Variants in DCC observed in about 807,000 individuals in gnomAD.
DCC encodes DCC netrin 1 receptor, also known as netrin receptor DCC.
Under a neutral mutation model 172.5 loss-of-function variants are expected in DCC, and 58 were observed. That is an observed-to-expected ratio of 0.34 (90% CI 0.27 to 0.42). The LOEUF (loss-of-function observed/expected upper bound fraction) is 0.42. Ranked by LOEUF, DCC falls within the 10% of genes least tolerant of loss-of-function variation. The pLI, the probability that DCC is intolerant of heterozygous loss-of-function variation, is 1.00. For missense variants in DCC, 1,740 were observed against 1,791.0 expected, an observed-to-expected ratio of 0.97 and a Z score of 0.51; for synonymous variants, 709 against 644.5, an observed-to-expected ratio of 1.10 and a Z score of -1.52.
At chr18:53,336,484 A>G (rs1400037565) in intron 14 of DCC, among the ~76,000 whole-genome samples, 1 of 152,202 alleles carries the variant, frequency 6.6e-6, no homozygotes, top group Non-Finnish European at 1.5e-5. Context: ...GAGGCCATAT[A>G]TTATGAATGG....
intron 1 of DCC, among the ~76,000 whole-genome samples, chr18:52,641,406 A>C (rs1349041099): frequency 2.6e-5 from 4 of 152,200 alleles, no homozygotes; most frequent in Non-Finnish European, 5.9e-5. Context: ...CAAAAGGAAC[A>C]ATCAGCAGAG....
intron 25 of DCC, among the ~76,000 whole-genome samples, chr18:53,483,059 A>T (rs1265566979): frequency 1.3e-5 from 2 of 151,942 alleles, no homozygotes; most frequent in Admixed American, 1.3e-4. Context: ...TCACTTGAAA[A>T]ATATGAAGTA....
intron 2 of DCC, among the ~76,000 whole-genome samples, chr18:52,872,826 G>T (rs978471256): frequency 3.3e-5 from 5 of 152,138 alleles, no homozygotes; most frequent in African/African-American, 4.8e-5. Flanking sequence ...TTGATCACTT[G>T]TAAGAGCTCA....
In DCC at chr18:52,880,719, T is replaced by A. The variant is rs934241445; in HGVS notation, c.413-25325T>A. Reference sequence around the variant, plus strand: ...ATTCTTTTTTATGGCTGAATAGTACTCCATTATGCATATGTACCACATTCT... The same window carrying A: ...ATTCTTTTTTATGGCTGAATAGTACACCATTATGCATATGTACCACATTCT... On this transcript the variant is annotated intron_variant, in intron 2 of 28. Coordinates refer to ENST00000442544, the MANE Select transcript of DCC (RefSeq NM_005215.4). Among the ~76,000 whole-genome samples the A allele has an allele frequency of 2.6e-5, 4 of 152,230 alleles. 1 individual carries two copies. The East Asian group carries it at 7.7e-4, about 29-fold the overall frequency.
At chr18:52,970,514 G>A (rs975744434) in intron 5 of DCC, among the ~76,000 whole-genome samples, 3 of 152,066 alleles carry the variant, frequency 2.0e-5, no homozygotes, top group Admixed American at 1.3e-4. Context: ...AAGTAATGGA[G>A]ATTTTTCTAA....
At chr18:52,434,646 T>A (rs959054619) in intron 1 of DCC, among the ~76,000 whole-genome samples, 4 of 152,112 alleles carry the variant, frequency 2.6e-5, no homozygotes, top group South Asian at 2.1e-4. Flanking sequence ...TTTTTTTTTT[T>A]AAACCAGAGA....
intron 5 of DCC, among the ~76,000 whole-genome samples, chr18:53,037,383 G>C (rs1422328858): frequency 1.3e-5 from 2 of 151,934 alleles, no homozygotes; most frequent in Admixed American, 6.6e-5. Flanking sequence ...GAAGACAGTG[G>C]TCTGACCTCT....
intron 2 of DCC, among the ~76,000 whole-genome samples, chr18:52,759,521 C>T (rs943165556): frequency 1.3e-5 from 2 of 152,086 alleles, no homozygotes; most frequent in African/African-American, 4.8e-5. Context: ...GAGCTCTGTT[C>T]TTTTATTCAA....
chr18:53,387,097 C>T (rs772149477), intron 16 of DCC, among the ~76,000 whole-genome samples: 1 of 152,126 alleles, frequency 6.6e-6, no homozygotes, highest in Non-Finnish European at 1.5e-5. Context: ...CATCGGAGAA[C>T]GTGAGATGTT....
chr18:52,914,225 A>AG (rs2145466254), intron 3 of DCC, among the ~76,000 whole-genome samples: 1 of 151,886 alleles, frequency 6.6e-6, no homozygotes, highest in East Asian at 1.9e-4. Context: ...TAAAAATAAA[A>AG]AAAAATCACT....
intron 1 of DCC, among the ~76,000 whole-genome samples, chr18:52,636,595 A>C (rs2034785015): frequency 6.6e-6 from 1 of 152,068 alleles, no homozygotes; most frequent in South Asian, 2.1e-4. Flanking sequence ...TGCATGACTC[A>C]GCAAAAGCAG....
intron 26 of DCC, among the ~76,000 whole-genome samples, chr18:53,488,966 G>A (rs1390181562): frequency 6.6e-6 from 1 of 151,916 alleles, no homozygotes; most frequent in Non-Finnish European, 1.5e-5. Flanking sequence ...AGACCATCCT[G>A]GCCAACATGG....
intron 5 of DCC, among the ~76,000 whole-genome samples, chr18:52,994,510 G>A (rs1042286093): frequency 6.6e-6 from 1 of 152,086 alleles, no homozygotes; most frequent in Non-Finnish European, 1.5e-5. Flanking sequence ...ATGAACGTAC[G>A]ATTCTCATAC....
intron 27 of DCC, among the ~76,000 whole-genome samples, chr18:53,511,789 G>C (rs2144536060): frequency 6.6e-6 from 1 of 152,320 alleles, no homozygotes; most frequent in South Asian, 2.1e-4. Context: ...AGTATATCCT[G>C]CACCTGGCTC....
intron 1 of DCC, among the ~76,000 whole-genome samples, chr18:52,633,344 G>A (rs1260386872): frequency 6.6e-6 from 1 of 152,304 alleles, no homozygotes; most frequent in Non-Finnish European, 1.5e-5. Context: ...TAGGAGGTAC[G>A]CTGGCACTGA....
At chr18:52,349,797 T>C (rs1237585946) in intron 1 of DCC, among the ~76,000 whole-genome samples, 1 of 152,178 alleles carries the variant, frequency 6.6e-6, no homozygotes, top group African/African-American at 2.4e-5. Flanking sequence ...AGATTATAAA[T>C]ATTTAATTCA....
At chr18:52,394,674 C>T (rs1432599278) in intron 1 of DCC, among the ~76,000 whole-genome samples, 2 of 152,026 alleles carry the variant, frequency 1.3e-5, no homozygotes, top group Non-Finnish European at 2.9e-5. Flanking sequence ...GGAGTTATTT[C>T]CTGCAGCTTC....
intron 2 of DCC, among the ~76,000 whole-genome samples, chr18:52,811,325 T>C (rs2038194215): frequency 6.6e-6 from 1 of 152,208 alleles, no homozygotes; most frequent in Non-Finnish European, 1.5e-5. Flanking sequence ...CAGGTGTTGT[T>C]ATGGGCGACA....
At chr18:52,842,027 T>C (rs2036539736) in intron 2 of DCC, among the ~76,000 whole-genome samples, 1 of 152,062 alleles carries the variant, frequency 6.6e-6, no homozygotes, top group South Asian at 2.1e-4. Context: ...TATATACATA[T>C]ATATCAATGA....
Sources: gnomAD v4.1 joint callset for allele counts (sites outside exome capture counted in the v4.1 genomes callset) on GRCh38, gnomAD v4.1.1 for gene constraint, MANE v1.5 for transcripts, NCBI Gene and HGNC (gene_info 2026-07-23, HGNC 2026-07-21) for gene names.